The following MCTP1 variants were observed in gnomAD, a reference collection of about 807,000 sequenced individuals.
The protein encoded by MCTP1 is multiple C2 and transmembrane domain containing 1, also known as multiple C2 and transmembrane domain-containing protein 1.
A neutral mutation model predicts 120.6 loss-of-function variants in MCTP1; 69 were observed. The ratio of observed to expected loss-of-function variants is 0.57; its 90% confidence interval spans 0.47 to 0.70. The LOEUF (loss-of-function observed/expected upper bound fraction) is 0.70. MCTP1 is among the 30% of genes least tolerant of loss of function. MCTP1 has a pLI of 0.00. For missense variants in MCTP1, 1,203 were observed against 1,248.8 expected, an observed-to-expected ratio of 0.96 and a Z score of 0.55; for synonymous variants, 529 against 493.1, an observed-to-expected ratio of 1.07 and a Z score of -0.96.
intron 1 of MCTP1, among the ~76,000 whole-genome samples, chr5:95,067,241 A>T (rs896173357): frequency 6.6e-6 from 1 of 152,214 alleles, no homozygotes; most frequent in Non-Finnish European, 1.5e-5. Context: ...TATAATTAAC[A>T]ATAATGTATC....
chr5:94,761,440 G>A (rs1001667337), intron 19 of MCTP1, among the ~76,000 whole-genome samples: 3 of 152,160 alleles, frequency 2.0e-5, no homozygotes, highest in African/African-American at 4.8e-5. Context: ...CATAGAAAAT[G>A]ACAATTCATC....
chr5:94,947,352 T>C (rs1819208643), intron 3 of MCTP1, among the ~76,000 whole-genome samples: 1 of 151,864 alleles, frequency 6.6e-6, no homozygotes, highest in African/African-American at 2.4e-5. Context: ...CTCTGAATTA[T>C]GACAGGGAGT....
At chr5:94,918,592 C>A (rs887485304) in intron 7 of MCTP1, among the ~76,000 whole-genome samples, 4 of 152,104 alleles carry the variant, frequency 2.6e-5, no homozygotes, top group Admixed American at 2.0e-4. Context: ...AAAGATATAG[C>A]TGAACAGGAA....
chr5:95,141,216 T>C (rs1759906090), intron 1 of MCTP1, among the ~76,000 whole-genome samples: 1 of 152,208 alleles, frequency 6.6e-6, no homozygotes, highest in Admixed American at 6.5e-5. Flanking sequence ...CTAATTTGGA[T>C]TGTATAAATT....
At chr5:94,789,864 A>G (rs1778521436) in intron 18 of MCTP1, among the ~76,000 whole-genome samples, 1 of 152,188 alleles carries the variant, frequency 6.6e-6, no homozygotes, top group Admixed American at 6.5e-5. Flanking sequence ...TTGTTGAATG[A>G]AAGTAATTTT....
intron 17 of MCTP1, among the ~76,000 whole-genome samples, chr5:94,815,873 T>C (rs1467842457): frequency 6.6e-6 from 1 of 152,100 alleles, no homozygotes; most frequent in Non-Finnish European, 1.5e-5. Flanking sequence ...GAGAGGGCAA[T>C]ATGCGACCTA....
At chr5:95,256,020 C>T (rs1193441857) in intron 1 of MCTP1, among the ~76,000 whole-genome samples, 2 of 152,200 alleles carry the variant, frequency 1.3e-5, no homozygotes. Context: ...AAATATCATA[C>T]TTCATGAAAC....
intron 1 of MCTP1, among the ~76,000 whole-genome samples, chr5:95,166,847 G>C (rs1351355739): frequency 6.6e-6 from 1 of 151,626 alleles, no homozygotes; most frequent in Non-Finnish European, 1.5e-5. Context: ...GATTACAGGC[G>C]TGAGCCACTG....
intron 1 of MCTP1, among the ~76,000 whole-genome samples, chr5:95,124,435 A>G (rs879613690): frequency 2.0e-5 from 3 of 152,238 alleles, no homozygotes; most frequent in Non-Finnish European, 2.9e-5. Flanking sequence ...TAAACATATA[A>G]ATCTCTTACT....
intron 19 of MCTP1, among the ~76,000 whole-genome samples, chr5:94,750,556 C>T (rs537730434): frequency 1.1e-4 from 16 of 152,284 alleles, no homozygotes; most frequent in Admixed American, 6.5e-4. Flanking sequence ...TAGGAGGAAG[C>T]TTTAAGAGCC....
intron 1 of MCTP1, among the ~76,000 whole-genome samples, chr5:95,022,471 C>A (rs1838384487): frequency 6.6e-6 from 1 of 152,174 alleles, no homozygotes; most frequent in African/African-American, 2.4e-5. Flanking sequence ...TTACCACATT[C>A]TATCTCAAAT....
intron 1 of MCTP1, among the ~76,000 whole-genome samples, chr5:95,127,686 C>T (rs962299944): frequency 4.6e-5 from 7 of 152,132 alleles, no homozygotes; most frequent in African/African-American, 1.7e-4. Flanking sequence ...CTGAAACATC[C>T]AACGAGAGTG....
intron 1 of MCTP1, among the ~76,000 whole-genome samples, chr5:95,179,377 T>C (rs1000060487): frequency 2.6e-5 from 4 of 152,130 alleles, no homozygotes; most frequent in Non-Finnish European, 5.9e-5. Flanking sequence ...AGGCACATAG[T>C]CATCAGGTTA....
At chr5:95,109,949 C>T (rs1757341067) in intron 1 of MCTP1, among the ~76,000 whole-genome samples, 1 of 152,150 alleles carries the variant, frequency 6.6e-6, no homozygotes, top group Non-Finnish European at 1.5e-5. Context: ...CAGAACAATT[C>T]CTAGACTATG....
chr5:95,073,147 C>G (rs1375514746), intron 1 of MCTP1, among the ~76,000 whole-genome samples: 1 of 152,200 alleles, frequency 6.6e-6, no homozygotes, highest in Non-Finnish European at 1.5e-5. Context: ...CTTCTTTCAG[C>G]AGCCCAGCTA....
At chr5:95,162,017 T>C (rs1745795398) in intron 1 of MCTP1, among the ~76,000 whole-genome samples, 1 of 152,200 alleles carries the variant, frequency 6.6e-6, no homozygotes, top group African/African-American at 2.4e-5. Flanking sequence ...AATGTGGATC[T>C]AGAGTTCAGG....
intron 6 of MCTP1, among the ~76,000 whole-genome samples, chr5:94,929,992 T>C (rs976643443): frequency 7.9e-5 from 12 of 152,152 alleles, no homozygotes; most frequent in African/African-American, 2.7e-4. Context: ...CTAAATATAA[T>C]CTGCCAAGTA....
At chr5:94,734,803 A>G (rs988665940) in intron 19 of MCTP1, among the ~76,000 whole-genome samples, 1 of 152,166 alleles carries the variant, frequency 6.6e-6, no homozygotes, top group Non-Finnish European at 1.5e-5. Flanking sequence ...CATATGATAA[A>G]TATTTCCATG....
chr5:94,899,041 TA>T (rs1804813436), intron 10 of MCTP1, among the ~76,000 whole-genome samples: 1 of 152,332 alleles, frequency 6.6e-6, no homozygotes, highest in Non-Finnish European at 1.5e-5. Flanking sequence ...GATGTATTGC[TA>T]AAAAAACTTG....
Sources: gnomAD v4.1 joint callset for allele counts (sites outside exome capture counted in the v4.1 genomes callset) on GRCh38, gnomAD v4.1.1 for gene constraint, MANE v1.5 for transcripts, NCBI Gene and HGNC (gene_info 2026-07-23, HGNC 2026-07-21) for gene names.